Variants in BBX observed in about 807,000 individuals in gnomAD.
BBX encodes the protein BBX high mobility group box domain containing.
Under a neutral mutation model 100.2 loss-of-function variants are expected in BBX, and 30 were observed. The observed-to-expected ratio is 0.30, with a 90% CI of 0.22 to 0.41. The LOEUF (loss-of-function observed/expected upper bound fraction) is 0.41, where lower values mean the gene tolerates loss of function less well. Ranked by LOEUF, BBX falls within the 10% of genes least tolerant of loss-of-function variation. The probability of loss-of-function intolerance (pLI) is 1.00; values close to 1 mark genes in which losing one functional copy is unlikely to be tolerated. For synonymous variants in BBX, 376 were observed against 388.1 expected, an observed-to-expected ratio of 0.97 and a Z score of 0.37; for missense variants, 1,023 against 1,129.8, an observed-to-expected ratio of 0.91 and a Z score of 1.35.
At chr3:107,569,174 A>G (rs2051155688) in intron 2 of BBX, among the ~76,000 whole-genome samples, 1 of 152,240 alleles carries the variant, frequency 6.6e-6, no homozygotes, top group South Asian at 2.1e-4. Flanking sequence ...CAATTCCTTC[A>G]TAACAATCTT....
chr3:107,733,506 C>A (rs575677667), intron 7 of BBX, among the ~76,000 whole-genome samples: 4 of 152,064 alleles, frequency 2.6e-5, no homozygotes, highest in African/African-American at 4.8e-5. Flanking sequence ...TTCCCACCCC[C>A]CCTTGAGACA....
chr3:107,759,859 T>A (rs1361488297), intron 10 of BBX, among the ~76,000 whole-genome samples: 1 of 152,242 alleles, frequency 6.6e-6, no homozygotes, highest in Admixed American at 6.5e-5. Flanking sequence ...ATTGCTGTTC[T>A]GCTTCTCACT....
intron 2 of BBX, among the ~76,000 whole-genome samples, chr3:107,592,266 G>C (rs2107594606): frequency 6.6e-6 from 1 of 150,626 alleles, no homozygotes; most frequent in Non-Finnish European, 1.5e-5. Flanking sequence ...ACTCAGGCGG[G>C]AGGATTGACA....
At chr3:107,684,450 A>T (rs576476433) in intron 3 of BBX, 1 of 152,296 alleles carries the variant, frequency 6.6e-6, no homozygotes, top group East Asian at 1.9e-4. Context: ...CTCTCTAATA[A>T]TGTCCAACAA....
At chr3:107,537,086 A>T (rs986002229) in intron 2 of BBX, among the ~76,000 whole-genome samples, 15 of 152,196 alleles carry the variant, frequency 9.9e-5, no homozygotes, top group African/African-American at 3.6e-4. Flanking sequence ...CAATAATTTC[A>T]TTTTTATTTA....
At chr3:107,696,119 T>G (rs368506348) in intron 3 of BBX, among the ~76,000 whole-genome samples, 1 of 151,758 alleles carries the variant, frequency 6.6e-6, no homozygotes, top group South Asian at 2.1e-4. Flanking sequence ...TTCCTGAATA[T>G]AGCACACTGA....
intron 4 of BBX, among the ~76,000 whole-genome samples, chr3:107,711,898 G>T (rs2061745977): frequency 6.6e-6 from 1 of 151,388 alleles, no homozygotes; most frequent in South Asian, 2.1e-4. Flanking sequence ...TTTAGAAAGG[G>T]TCTCACTGTA....
Position 107,742,759 on chromosome 3 carries a change from A to C in BBX, c.670-1871A>C, listed in dbSNP as rs184876055. Among the ~76,000 whole-genome samples, 3 of 152,322 alleles carry C rather than the reference A, an allele frequency of 2.0e-5. No homozygotes were observed. The East Asian group carries it at 5.8e-4, about 29-fold the overall frequency. On this transcript the variant is annotated intron_variant, in intron 7 of 17. Transcript: ENST00000325805. ...TATTTGATTGCATGCTAAAATTGAC[A>C]AACCATGTACAGGATTATAGATGCC...
intron 2 of BBX, among the ~76,000 whole-genome samples, chr3:107,635,406 G>GC (rs2056791307): frequency 6.6e-6 from 1 of 152,144 alleles, no homozygotes; most frequent in African/African-American, 2.4e-5. Flanking sequence ...TAAGTATACT[G>GC]CCATCCATAA....
rs959995027 is a variant in BBX, at chr3:107,810,044, CTA to C, written c.*4591_*4592del. The C allele has an allele frequency of 6.6e-6, 1 of 152,056 alleles. No individual in the cohort carries two copies. The highest frequency in any genetic ancestry group is 2.4e-5 in the African/African-American group (1 of 41,402). 9.4% of individuals were successfully genotyped at this position (152,056 alleles called of 1,614,324 possible). A position where few individuals can be genotyped will look rare whatever the true frequency, so the allele number is the denominator to read the frequency against. On this transcript the variant is annotated 3_prime_UTR_variant, in exon 18 of 18. Coordinates refer to ENST00000325805, the MANE Select transcript of BBX (RefSeq NM_001142568.3). ...AAGTGATAGCTAAGTTTATTATACTCTATATTAAACAACTTTGTTCATTTCAC... is the reference window on the plus strand; with the variant it reads ...AAGTGATAGCTAAGTTTATTATACTCTATTAAACAACTTTGTTCATTTCAC...
intron 2 of BBX, among the ~76,000 whole-genome samples, chr3:107,540,840 T>C (rs1222457864): frequency 6.6e-6 from 1 of 152,218 alleles, no homozygotes; most frequent in Non-Finnish European, 1.5e-5. Context: ...AATTTATTTA[T>C]AAATACATAA....
At chr3:107,537,169 T>C (rs1296072547) in intron 2 of BBX, among the ~76,000 whole-genome samples, 1 of 152,238 alleles carries the variant, frequency 6.6e-6, no homozygotes, top group East Asian at 1.9e-4. Flanking sequence ...GATTTAAACA[T>C]ATTAAAATTA....
intron 10 of BBX, among the ~76,000 whole-genome samples, chr3:107,769,195 T>TAGAA (rs2066658350): frequency 7.8e-6 from 1 of 127,396 alleles, no homozygotes. Flanking sequence ...GATAGATAGA[T>TAGAA]AGATAGATAG....
intron 3 of BBX, among the ~76,000 whole-genome samples, chr3:107,679,290 G>A (rs543530063): frequency 6.6e-6 from 1 of 152,202 alleles, no homozygotes; most frequent in Non-Finnish European, 1.5e-5. Context: ...ATCTTACTTT[G>A]ACACAGATGA....
At chr3:107,722,070 C>T (rs573856630) in intron 5 of BBX, among the ~76,000 whole-genome samples, 1 of 152,048 alleles carries the variant, frequency 6.6e-6, no homozygotes, top group Non-Finnish European at 1.5e-5. Flanking sequence ...CTAAAAATAT[C>T]ATTTGCCCAA....
At chr3:107,571,277 G>A (rs987805251) in intron 2 of BBX, among the ~76,000 whole-genome samples, 1 of 152,136 alleles carries the variant, frequency 6.6e-6, no homozygotes, top group African/African-American at 2.4e-5. Context: ...GTCACCAAGG[G>A]TACGTGGGTG....
intron 3 of BBX, among the ~76,000 whole-genome samples, chr3:107,657,712 G>C (rs2058229178): frequency 6.6e-6 from 1 of 152,032 alleles, no homozygotes; most frequent in South Asian, 2.1e-4. Flanking sequence ...GGATGGATTG[G>C]ATTTGAACAC....
At chr3:107,621,232 C>T (rs1236494713) in intron 2 of BBX, among the ~76,000 whole-genome samples, 1 of 152,024 alleles carries the variant, frequency 6.6e-6, no homozygotes, top group African/African-American at 2.4e-5. Flanking sequence ...TTTGTCTGTG[C>T]CCTGTTGGCA....
In BBX at chr3:107,805,355, C is replaced by T. The variant is rs1189130428; in HGVS notation, c.2739-15C>T. 2 of 1,600,394 alleles carry T rather than the reference C, an allele frequency of 1.2e-6. No homozygotes were observed. Among genetic ancestry groups the T allele is most frequent in the Non-Finnish European group, 8.5e-7 (1 of 1,173,112 alleles). ...TATGCTGAATAAGTGACTTTTTCTT[C>T]CTTTTATTTTACAGAGGTCAGAGGT... On this transcript the variant is annotated splice_polypyrimidine_tract_variant and intron_variant, in intron 17 of 17. Transcript: ENST00000325805.
Sources: gnomAD v4.1 joint callset for allele counts (sites outside exome capture counted in the v4.1 genomes callset) on GRCh38, gnomAD v4.1.1 for gene constraint, MANE v1.5 for transcripts, NCBI Gene and HGNC (gene_info 2026-07-23, HGNC 2026-07-21) for gene names.